NBPF20: variants seen among roughly 807,000 people sequenced by gnomAD.
The protein encoded by NBPF20 is NBPF member 20.
A neutral mutation model predicts 68.1 loss-of-function variants in NBPF20; 90 were observed. That is an observed-to-expected ratio of 1.32 (90% confidence interval 1.11 to 1.58). The LOEUF (loss-of-function observed/expected upper bound fraction) is 1.58, where lower values mean the gene tolerates loss of function less well. Among genes scored for constraint, NBPF20 ranks in the 40% most tolerant of loss-of-function variants. NBPF20 has a pLI of 0.00. For missense variants in NBPF20, 816 were observed against 601.2 expected, an observed-to-expected ratio of 1.36 and a Z score of -3.74; for synonymous variants, 290 against 228.1, an observed-to-expected ratio of 1.27 and a Z score of -2.45.
chr1:145,393,483 A>T (rs1171205618), intron 9 of NBPF20, among the ~76,000 whole-genome samples: 2 of 151,770 alleles, frequency 1.3e-5, no homozygotes, highest in Non-Finnish European at 1.5e-5. Context: ...ACACACACAC[A>T]CACACACAGA....
rs1306893883 is a variant in NBPF20, at chr1:145,400,137, C to T, written c.775+249G>A. On this transcript the variant is annotated intron_variant, in intron 6 of 137. Coordinates refer to ENST00000369373, the Ensembl canonical transcript of NBPF20. The stretch of plus-strand genomic sequence containing the variant: ...TCGAAGCTAGTAGGCCTGACAGATA[C>T]TGCCTGTGCACCTCCTGCACTCAGG... 2.6e-5 allele frequency among the ~76,000 whole-genome samples: 4 copies of T among 152,296 alleles called. 1 individual carries two copies. Among genetic ancestry groups the T allele is most frequent in the African/African-American group, 2.4e-5 (1 of 41,562 alleles).
rs1403526673 is a variant in NBPF20 at position 145,390,313 on chromosome 1, G to GAA, written c.1494-198_1494-197insTT. Among the ~76,000 whole-genome samples the GAA allele has an allele frequency of 6.6e-5, 4 of 60,878 alleles. 1 individual carries two copies. The Admixed American group carries it at 8.9e-4, about 14-fold the overall frequency. 39.9% of individuals were successfully genotyped at this position (60,878 alleles called of 152,430 possible). A position where few individuals can be genotyped will look rare whatever the true frequency, so the allele number is the denominator to read the frequency against. ...AAAGAATGAAAGAGAAAGACAGATA[G>GAA]ACACACACACACACACACACACACA... On this transcript the variant is annotated intron_variant, in intron 13 of 137. Coordinates refer to ENST00000369373, the Ensembl canonical transcript of NBPF20.
At chr1:145,407,143 A>T (rs1662822953), upstream of NBPF20, among the ~76,000 whole-genome samples, 1 of 148,002 alleles carries the variant, frequency 6.8e-6, no homozygotes, top group Non-Finnish European at 1.5e-5. Flanking sequence ...CATTTCCCCA[A>T]TGAAGGGCAT....
chr1:145,408,427 C>A (rs1553668279), upstream of NBPF20, among the ~76,000 whole-genome samples: 1 of 152,010 alleles, frequency 6.6e-6, no homozygotes, highest in African/African-American at 2.4e-5. Flanking sequence ...AAATGAATAA[C>A]TGTACATATG....
chr1:145,394,530 A>T (rs1271465811), intron 8 of NBPF20, among the ~76,000 whole-genome samples: 2 of 152,136 alleles, frequency 1.3e-5, no homozygotes, highest in Admixed American at 6.5e-5. Flanking sequence ...CCTGGGTCAC[A>T]TCTTTCACTG....
intron 137 of NBPF20, 93 bp from the exon 143 acceptor site, chr1:145,291,862 A>G (rs1661126539): frequency 8.1e-6 from 13 of 1,605,412 alleles, no homozygotes; most frequent in Non-Finnish European, 1.0e-5. Flanking sequence ...GGAAGTGGTT[A>G]GAAAAGAAAA....
chr1:145,393,835 T>C (rs1662069508), intron 9 of NBPF20, 49 bp downstream of exon 14: 1 of 1,339,552 alleles, frequency 7.5e-7, no homozygotes, highest in Admixed American at 1.7e-5. Context: ...GGACTTGGCA[T>C]CTCCAGGTGT....
chr1:145,314,207 C>CACACAG (rs1661513903), intron 109 of NBPF20, among the ~76,000 whole-genome samples: 1 of 140,786 alleles, frequency 7.1e-6, no homozygotes, highest in African/African-American at 2.9e-5. Context: ...GATAGACACA[C>CACACAG]ACACACACAC....
chr1:145,404,972 A>T lies in NBPF20; in HGVS notation c.175+126T>A. ...GTCTTCCAACTAACAAAATGTTAAA[A>T]TACCCATTTCTGTTTTCCTACAAGT... On this transcript the variant is annotated intron_variant, in intron 2 of 137. Coordinates refer to ENST00000369373, the Ensembl canonical transcript of NBPF20. The T allele has an allele frequency of 2.3e-6, 3 of 1,330,904 alleles. No homozygotes were observed. In the East Asian group the frequency reaches 6.9e-5, roughly 31 times the overall value. 82.4% of individuals were successfully genotyped at this position (1,330,904 alleles called of 1,614,324 possible).
At chr1:145,400,534 G>A in exon 6 of NBPF20, 1 of 1,612,830 alleles carries the variant, frequency 6.2e-7, no homozygotes, top group Non-Finnish European at 8.5e-7. Flanking sequence ...TTGAATAAGT[G>A]ATGGCACATT....
At position 145,403,210 on chromosome 1, in the gene NBPF20, C is replaced by G; in HGVS notation, c.278+6G>C. 1 of 1,612,402 alleles carries G rather than the reference C, an allele frequency of 6.2e-7. No individual in the cohort carries two copies. The highest frequency in any genetic ancestry group is 1.3e-5 in the African/African-American group (1 of 74,998). On this transcript the variant is annotated splice_donor_region_variant and intron_variant, in intron 3 of 137. Coordinates refer to ENST00000369373, the Ensembl canonical transcript of NBPF20. ...CCCCCTGCCTGCCACCATGGGGTCC[C>G]CTCACCTGAGCTCCTCAGCTTGCTT...
chr1:145,397,251 C>T (rs1174479297), intron 7 of NBPF20, among the ~76,000 whole-genome samples: 2 of 151,396 alleles, frequency 1.3e-5, no homozygotes, highest in African/African-American at 4.9e-5. Context: ...GTCTTTACAG[C>T]AGCATGATTT....
At chr1:145,292,871 C>T (rs1553658532) in intron 136 of NBPF20, among the ~76,000 whole-genome samples, 1 of 56,314 alleles carries the variant, frequency 1.8e-5, no homozygotes, top group Non-Finnish European at 3.2e-5. Context: ...GGACTTTAGA[C>T]ACTGAAATTA....
chr1:145,419,861 G>T, the NBPF20 span, among the ~76,000 whole-genome samples: 3 of 152,064 alleles, frequency 2.0e-5, no homozygotes, highest in Non-Finnish European at 2.9e-5. Flanking sequence ...CCACCACAAG[G>T]TCCTGGGGAA....
At position 145,291,419 on chromosome 1, in the gene NBPF20, C is replaced by A. The variant is rs1268561083; in HGVS notation, c.*107G>T. On this transcript the variant is annotated 3_prime_UTR_variant, in exon 138 of 138. Transcript: ENST00000369373. The stretch of plus-strand genomic sequence containing the variant: ...TAGGAATACAGCCATGCCCACTGAC[C>A]CATCCTATGTCTGGGCTTCCAAATG... The A allele has an allele frequency of 6.2e-6, 10 of 1,607,694 alleles. No homozygotes were observed. The East Asian group carries it at 8.9e-5, about 14-fold the overall frequency.
Position 145,402,514 on chromosome 1 carries a change from T to C in NBPF20, c.279-133A>G, listed in dbSNP as rs1207269351. On this transcript the variant is annotated intron_variant, in intron 3 of 137. Coordinates refer to ENST00000369373, the Ensembl canonical transcript of NBPF20. ...GAAGGTCAGCACATGTTTAAAGGAA[T>C]GTCTGTGGCCAAGAGAAAGAATAGA... 1.5e-5 allele frequency: 12 copies of C among 814,646 alleles called. No individual in the cohort carries two copies. The East Asian group carries it at 2.5e-4, about 17-fold the overall frequency. 50.5% of individuals were successfully genotyped at this position (814,646 alleles called of 1,614,324 possible). A position where few individuals can be genotyped will look rare whatever the true frequency, so the allele number is the denominator to read the frequency against.
chr1:145,403,704 C>T (rs1662634269), intron 2 of NBPF20, among the ~76,000 whole-genome samples: 1 of 152,026 alleles, frequency 6.6e-6, no homozygotes, highest in South Asian at 2.1e-4. Context: ...GGGAAGGCCC[C>T]TAGGACTATG....
intron 8 of NBPF20, among the ~76,000 whole-genome samples, chr1:145,394,687 C>T (rs1662128310): frequency 2.0e-5 from 3 of 151,936 alleles, no homozygotes; most frequent in East Asian, 1.9e-4. Context: ...TGGGCATGTG[C>T]TGCATAGTTT....
Position 145,403,204 on chromosome 1 carries a change from G to A in NBPF20, c.278+12C>T. The A allele has an allele frequency of 5.6e-6, 9 of 1,612,188 alleles. No homozygotes were observed. The highest frequency in any genetic ancestry group is 4.4e-5 in the South Asian group (4 of 90,996). On this transcript the variant is annotated intron_variant, in intron 3 of 137. Coordinates refer to ENST00000369373, the Ensembl canonical transcript of NBPF20. The stretch of plus-strand genomic sequence containing the variant: ...ACCTGCCCCCCTGCCTGCCACCATG[G>A]GGTCCCCTCACCTGAGCTCCTCAGC...
Sources: gnomAD v4.1 joint callset for allele counts (sites outside exome capture counted in the v4.1 genomes callset) on GRCh38, gnomAD v4.1.1 for gene constraint, MANE v1.5 for transcripts, NCBI Gene and HGNC (gene_info 2026-07-23, HGNC 2026-07-21) for gene names.